RASAL3: variants seen among roughly 807,000 people sequenced by gnomAD.
The protein encoded by RASAL3 is RAS protein activator like-3.
RASAL3 carries 74 observed loss-of-function variants against 105.5 expected under a neutral mutation model. The observed-to-expected ratio is 0.70, with a 90% CI of 0.58 to 0.85. The LOEUF is 0.85. Among genes scored for constraint, RASAL3 ranks in the 40% least tolerant of loss-of-function variants. The pLI is 0.00. For missense variants in RASAL3, 1,352 were observed against 1,392.0 expected, an observed-to-expected ratio of 0.97 and a Z score of 0.46; for synonymous variants, 579 against 591.6, an observed-to-expected ratio of 0.98 and a Z score of 0.31.
At position 15,456,127 on chromosome 19, in the gene RASAL3, G is replaced by A. The variant is rs183756822; in HGVS notation, c.1698C>T (p.Phe566=). The A allele has an allele frequency of 6.1e-4, 988 of 1,613,776 alleles. 2 individuals carry two copies. The highest frequency in any genetic ancestry group is 1.7e-4 in the Non-Finnish European group (205 of 1,179,790). The change falls in exon 11 of 18, where the codon TTC becomes TTT. Residue 566 remains phenylalanine, a synonymous_variant. Coordinates refer to ENST00000343625, the MANE Select transcript of RASAL3 (RefSeq NM_022904.3). This position sits in a 1 kb window ranked among gnomAD's most constrained non-coding sequence, Gnocchi z 4.4. ...ACTCGTAGGAATGGATAATGGTTTC[G>A]AAGACCTCCTCGCAGCTGTTCCGAA... ...ARLRNSCEEV[F]ETIIHSYDWF...
At chr19:15,455,825 G>C (rs1181195591) in intron 11 of RASAL3, among the ~76,000 whole-genome samples, 2 of 152,100 alleles carry the variant, frequency 1.3e-5, no homozygotes, top group Non-Finnish European at 2.9e-5. Flanking sequence ...TTTTTAAAAA[G>C]CTTTTTGGAG....
In RASAL3 at chr19:15,456,483, G is replaced by A. The variant is rs771908676; in HGVS notation, c.1576+19C>T. 1 of 1,612,866 alleles carries A rather than the reference G, an allele frequency of 6.2e-7. No homozygotes were observed. Among genetic ancestry groups the A allele is most frequent in the Admixed American group, 1.7e-5 (1 of 59,896 alleles). On this transcript the variant is annotated intron_variant, in intron 10 of 17. Coordinates refer to ENST00000343625, the MANE Select transcript of RASAL3 (RefSeq NM_022904.3). The surrounding 1 kb of genome is among the most constrained non-coding windows in gnomAD (Gnocchi z 4.4). The stretch of plus-strand genomic sequence containing the variant: ...TAGCTCACCAGCAGGCCGCTGACAT[G>A]GACTCTCCCCCAGCTCACCCAGGGT...
chr19:15,464,008 C>T, intron 2 of RASAL3, 23 bp downstream of exon 2: 3 of 1,521,502 alleles, frequency 2.0e-6, no homozygotes, highest in East Asian at 2.3e-5. Context: ...CCGGCCCAAG[C>T]TCAGGGTGGG....
Position 15,464,162 on chromosome 19 carries a change from A to G in RASAL3, c.197T>C (p.Ile66Thr), listed in dbSNP as rs1454152498. The change falls in exon 2 of 18, where the codon ATA (isoleucine) becomes ACA (threonine). Residue 66 changes from isoleucine to threonine, a missense_variant. By Grantham distance (89) the Ile-to-Thr change is moderately conservative. This residue lies in a region of RASAL3 where 344 missense variants were observed against 339.6 expected (regional missense o/e 1.01). Coordinates refer to ENST00000343625, the MANE Select transcript of RASAL3 (RefSeq NM_022904.3). ...MVSTQPAPRS[I>T]FRRVLSAPPK... ...AGGCGCAGATAGGACCCGACGGAAT[A>G]TCGAGCGAGGGGCTGGCTGGGTGCT... The G allele has an allele frequency of 3.1e-6, 5 of 1,613,300 alleles. No individual in the cohort carries two copies. The highest frequency in any genetic ancestry group is 4.2e-6 in the Non-Finnish European group (5 of 1,179,792).
At chr19:15,463,417 A>G (rs1277600725) in intron 2 of RASAL3, among the ~76,000 whole-genome samples, 4 of 152,032 alleles carry the variant, frequency 2.6e-5, no homozygotes, top group Non-Finnish European at 4.4e-5. Context: ...TTGTTGATGG[A>G]TTTCCTGTCA....
At chr19:15,452,400 GC>G in intron 16 of RASAL3, 1 of 593,076 alleles carries the variant, frequency 1.7e-6, no homozygotes, top group Non-Finnish European at 3.0e-6. Flanking sequence ...GCCCGGCCCA[GC>G]CAGGTTGGGA....
In RASAL3 at chr19:15,456,535, G is replaced by A. The variant is rs1217313223; in HGVS notation, c.1543C>T (p.Leu515Phe). 1.2e-6 allele frequency: 2 copies of A among 1,613,692 alleles called. No homozygotes were observed. The highest frequency in any genetic ancestry group is 1.7e-6 in the Non-Finnish European group (2 of 1,179,824). Residue 515 changes from leucine to phenylalanine, a missense_variant, in exon 10 of 18, where the codon CTC becomes TTC. Transcript: ENST00000343625. The surrounding 1 kb of genome is among the most constrained non-coding windows in gnomAD (Gnocchi z 4.4). Reference sequence around the variant, plus strand: ...TCCTGGAGGTAATCCTGTGCCACGAGCTTCATGTACTCATCGATAGCCTTG... The same window carrying A: ...TCCTGGAGGTAATCCTGTGCCACGAACTTCATGTACTCATCGATAGCCTTG... ...ATKAIDEYMK[L>F]VAQDYLQETL...
At chr19:15,451,982 T>G in intron 17 of RASAL3, 44 bp from the exon 18 acceptor site, 1 of 1,613,658 alleles carries the variant, frequency 6.2e-7, no homozygotes, top group Non-Finnish European at 8.5e-7. Flanking sequence ...AGGAGAGGGC[T>G]GCACCGCAAC....
At chr19:15,458,912 C>G (rs1424610128) in intron 6 of RASAL3, among the ~76,000 whole-genome samples, 3 of 151,518 alleles carry the variant, frequency 2.0e-5, no homozygotes, top group African/African-American at 7.3e-5. Flanking sequence ...TGAGCTCCAG[C>G]CTCCCTGGCC....
In RASAL3 at chr19:15,458,782, C is replaced by A. The variant is rs1970415651; in HGVS notation, c.663-127G>T. 5 of 1,199,404 alleles carry A rather than the reference C, an allele frequency of 4.2e-6. No homozygotes were observed. The Admixed American group carries it at 8.8e-5, about 21-fold the overall frequency. The allele number at this position is 1,199,404 out of a possible 1,614,324, so 74.3% of individuals were successfully genotyped here. Reference sequence around the variant, plus strand: ...GATCCCGTTTCTCCCCCGTGCCCCCCCCACCCCCCGCCATGGCACCTCCTT... The same window carrying A: ...GATCCCGTTTCTCCCCCGTGCCCCCACCACCCCCCGCCATGGCACCTCCTT... On this transcript the variant is annotated intron_variant, in intron 6 of 17. Transcript: ENST00000343625.
intron 6 of RASAL3, among the ~76,000 whole-genome samples, chr19:15,459,910 CCT>C (rs550245151): frequency 2.0e-5 from 3 of 152,262 alleles, no homozygotes; most frequent in African/African-American, 7.2e-5. Flanking sequence ...TTTCCACCCC[CCT>C]GTTGGCCTAG....
chr19:15,454,921 A>G, intron 11 of RASAL3, 28 bp from the exon 12 acceptor site: 1 of 1,505,052 alleles, frequency 6.6e-7, no homozygotes, highest in Non-Finnish European at 8.9e-7. Context: ...ATGAATGGTC[A>G]GACGGGGAGG....
Position 15,456,808 on chromosome 19 carries a change from C to A in RASAL3, c.1432-162G>T. The A allele has an allele frequency of 3.6e-6, 3 of 843,758 alleles. No homozygotes were observed. The South Asian group carries it at 5.3e-5, about 15-fold the overall frequency. The allele number at this position is 843,758 out of a possible 1,614,324, so 52.3% of individuals were successfully genotyped here. On this transcript the variant is annotated intron_variant, in intron 9 of 17. Coordinates refer to ENST00000343625, the MANE Select transcript of RASAL3 (RefSeq NM_022904.3). This position sits in a 1 kb window ranked among gnomAD's most constrained non-coding sequence, Gnocchi z 4.4. ...GGGCTCATAACCGAGGCCGGAACCT[C>A]TAACCCTCACAGCAGAAATTTAAGC...
At chr19:15,452,568 CG>C (rs1970184186) in intron 16 of RASAL3, 89 bp downstream of exon 16, 1 of 965,884 alleles carries the variant, frequency 1.0e-6, no homozygotes, top group South Asian at 2.0e-5. Flanking sequence ...CCGTGCTAGG[CG>C]TGGTTTGGGG....
At chr19:15,458,741 A>G in intron 6 of RASAL3, 86 bp from the exon 7 acceptor site, 1 of 1,500,186 alleles carries the variant, frequency 6.7e-7, no homozygotes. Context: ...GCCAGGAAGG[A>G]CTTCAACCCA....
chr19:15,455,015 C>A, intron 11 of RASAL3, 122 bp from the exon 12 acceptor site: 1 of 720,044 alleles, frequency 1.4e-6, no homozygotes, highest in East Asian at 2.7e-5. Context: ...GAGAGCTATT[C>A]ATGAAGCCCA....
Position 15,458,567 on chromosome 19 carries a change from G to C in RASAL3, c.751C>G (p.Leu251Val), listed in dbSNP as rs58123634. 77,469 of 1,613,632 alleles carry C rather than the reference G, an allele frequency of 0.048. 2,010 individuals carry two copies. Among genetic ancestry groups the C allele is most frequent in the Middle Eastern group, 0.083 (501 of 6,062 alleles). Residue 251 changes from leucine (L) to valine (V), a missense_variant, in exon 7 of 18, where the codon CTG becomes GTG. This residue lies in a region of RASAL3 where 344 missense variants were observed against 339.6 expected (regional missense o/e 1.01). Coordinates refer to ENST00000343625, the MANE Select transcript of RASAL3 (RefSeq NM_022904.3). ...GAERDVRIWP[L>V]HPSLLGEPHC... ...GGCTCCCCCAGGAGGCTGGGGTGCAGTGGCCAGATCCGCACATCCCGCTCG... is the reference window on the plus strand; with the variant it reads ...GGCTCCCCCAGGAGGCTGGGGTGCACTGGCCAGATCCGCACATCCCGCTCG...
chr19:15,454,934 A>G, intron 11 of RASAL3, 41 bp from the exon 12 acceptor site: 1 of 1,452,448 alleles, frequency 6.9e-7, no homozygotes, highest in Non-Finnish European at 9.3e-7. Context: ...CGGGGAGGCT[A>G]TGGGCATAAA....
rs749216167 is a variant in RASAL3 at position 15,454,480 on chromosome 19, G to C, written c.2041C>G (p.Gln681Glu). 1.2e-6 allele frequency: 2 copies of C among 1,613,980 alleles called. No individual in the cohort carries two copies. Among genetic ancestry groups the C allele is most frequent in the Admixed American group, 1.7e-5 (1 of 60,012 alleles). ...HGPAMQCFLD[Q>E]VAMVDVDAAP... ...GCATCCACATCCACCATGGCTACCT[G>C]GTCCAGGAAGCATTGCATGGCTGGT... The change falls in exon 13 of 18, where the codon CAG (glutamine) becomes GAG (glutamate). Residue 681 changes from glutamine to glutamate, a missense_variant. This residue lies in a region of RASAL3 where 920 missense variants were observed against 919.6 expected (regional missense o/e 1.00). Coordinates refer to ENST00000343625, the MANE Select transcript of RASAL3 (RefSeq NM_022904.3).
Sources: gnomAD v4.1 joint callset for allele counts (sites outside exome capture counted in the v4.1 genomes callset) on GRCh38, gnomAD v4.1.1 for gene constraint, gnomAD v4.1.1 regional missense constraint, Gnocchi (gnomAD v3.1) non-coding constraint, MANE v1.5 for transcripts, NCBI Gene and HGNC (gene_info 2026-07-23, HGNC 2026-07-21) for gene names.